ZAN: variants seen among roughly 807,000 people sequenced by gnomAD.
The protein encoded by ZAN is zonadhesin (gene/pseudogene).
Under a neutral mutation model 286.2 loss-of-function variants are expected in ZAN, and 260 were observed. The ratio of observed to expected loss-of-function variants is 0.91; its 90% CI spans 0.82 to 1.01. The LOEUF is 1.01. Among genes scored for constraint, ZAN ranks in the 50% least tolerant of loss-of-function variants. The pLI is 0.00. For synonymous variants in ZAN, 1,368 were observed against 1,417.5 expected, an observed-to-expected ratio of 0.97 and a Z score of 0.79; for missense variants, 3,410 against 3,639.2, an observed-to-expected ratio of 0.94 and a Z score of 1.62.
Position 100,763,902 on chromosome 7 carries a change from T to C in ZAN, c.4083T>C (p.Thr1361=), listed in dbSNP as rs1298852899. ...GPGFCGRLVD[T]HGPFETCLLH... ...GGTTCTGTGGACGGCTGGTCGACAC[T>C]CATGGCCCATTTGAGTATGAAGGAG... Residue 1361 remains threonine, a synonymous_variant, in exon 21 of 48, where the codon ACT becomes ACC. Coordinates refer to ENST00000613979, the MANE Select transcript of ZAN (RefSeq NM_003386.3). The surrounding 1 kb of genome is among the most constrained non-coding windows in gnomAD (Gnocchi z 4.6). 6.2e-7 allele frequency: 1 copy of C among 1,613,964 alleles called. No homozygotes were observed. The highest frequency in any genetic ancestry group is 8.5e-7 in the Non-Finnish European group (1 of 1,179,882).
At chr7:100,782,077 G>A (rs559857530) in intron 35 of ZAN, among the ~76,000 whole-genome samples, 10 of 152,048 alleles carry the variant, frequency 6.6e-5, no homozygotes, top group African/African-American at 1.2e-4. Flanking sequence ...CCATTGAGTC[G>A]TTGGTCTTTA....
rs990629420 is a variant in ZAN, at chr7:100,769,991, C to A, written c.5248+17C>A. 1.9e-6 allele frequency: 3 copies of A among 1,553,154 alleles called. No homozygotes were observed. Among genetic ancestry groups the A allele is most frequent in the East Asian group, 2.4e-5 (1 of 41,356 alleles). On this transcript the variant is annotated intron_variant, in intron 28 of 47. Transcript: ENST00000613979. The stretch of plus-strand genomic sequence containing the variant: ...ACCCTCAGGGTAAGACATGTCCCTG[C>A]TGGCCCTTTTTCCTCCCTGAAGGAC...
At position 100,779,269 on chromosome 7, in the gene ZAN, T is replaced by C. The variant is rs1024958630; in HGVS notation, c.6318-177T>C. Among the ~76,000 whole-genome samples, 11 of 150,656 alleles carry C rather than the reference T, an allele frequency of 7.3e-5. 1 individual carries two copies. Among genetic ancestry groups the C allele is most frequent in the African/African-American group, 2.7e-4 (11 of 40,862 alleles). On this transcript the variant is annotated intron_variant, in intron 34 of 47. Coordinates refer to ENST00000613979, the MANE Select transcript of ZAN (RefSeq NM_003386.3). Reference sequence around the variant, plus strand: ...CTGTAGTCTCAGCAACTCGGAAGGCTGAGTGAGACAGGAGAATCGCTTGAA... The same window carrying C: ...CTGTAGTCTCAGCAACTCGGAAGGCCGAGTGAGACAGGAGAATCGCTTGAA...
Position 100,734,076 on chromosome 7 carries a change from G to A in ZAN, c.-93G>A. On this transcript the variant is annotated 5_prime_UTR_variant, in exon 2 of 48. An upstream start codon of the reference 5' UTR is lost. Coordinates refer to ENST00000613979, the MANE Select transcript of ZAN (RefSeq NM_003386.3). ...TTCTTCATGGCATCCTTGGAAGGAT[G>A]CCAAGCTAAGGAGGCCAGGGGGGAA... The A allele has an allele frequency of 2.5e-6, 2 of 792,522 alleles. No homozygotes were observed. Among genetic ancestry groups the A allele is most frequent in the Non-Finnish European group, 4.1e-6 (2 of 484,008 alleles). The allele number at this position is 792,522 out of a possible 1,614,324, so 49.1% of individuals were successfully genotyped here.
In ZAN at chr7:100,751,743, T is replaced by C. The variant is rs376655494; in HGVS notation, c.1638T>C (p.Ser546=). 1.7e-5 allele frequency: 27 copies of C among 1,593,256 alleles called. 1 individual carries two copies. The highest frequency in any genetic ancestry group is 1.7e-4 in the Middle Eastern group (1 of 5,926). Residue 546 remains serine, a synonymous_variant, in exon 14 of 48, where the codon TCT becomes TCC. Transcript: ENST00000613979. ...VKVLPELPPV[S]PVSSTGPSET... is the part of the protein sequence containing the mutation. The stretch of plus-strand genomic sequence containing the variant: ...TGCTACCAGAGCTTCCTCCCGTATC[T>C]CCAGTTTCTTCCACTGGCCCTTCTG...
In ZAN at chr7:100,753,248, G is replaced by A. The variant is rs375661590; in HGVS notation, c.3124+19G>A. On this transcript the variant is annotated intron_variant, in intron 14 of 47. Coordinates refer to ENST00000613979, the MANE Select transcript of ZAN (RefSeq NM_003386.3). ...AGTACAGGTATGAGGTGGATGGAGC[G>A]TGGGCCAAGGCTGAAAGTCAGAGAC... is the stretch of plus-strand genomic sequence containing the variant. 7.7e-4 allele frequency: 1,202 copies of A among 1,553,030 alleles called. 1 individual carries two copies. Among genetic ancestry groups the A allele is most frequent in the Non-Finnish European group, 8.8e-4 (1,014 of 1,152,490 alleles).
At chr7:100,791,151 C>G in intron 40 of ZAN, 38 bp downstream of exon 40, 1 of 1,591,262 alleles carries the variant, frequency 6.3e-7, no homozygotes, top group Non-Finnish European at 8.5e-7. Flanking sequence ...GGGAGGTGAA[C>G]AACAATGTCT....
chr7:100,793,787 C>A, intron 42 of ZAN, 33 bp from the exon 43 acceptor site: 1 of 1,553,154 alleles, frequency 6.4e-7, no homozygotes, highest in East Asian at 2.3e-5. Context: ...CTGCCCAGCC[C>A]CAGCCAGTTT....
Position 100,789,209 on chromosome 7 carries a change from C to T in ZAN, c.7228-9C>T. On this transcript the variant is annotated splice_polypyrimidine_tract_variant and intron_variant, in intron 38 of 47. Coordinates refer to ENST00000613979, the MANE Select transcript of ZAN (RefSeq NM_003386.3). ...AGCCCTGTCTGTGGCTCCTGTCTTC[C>T]CTCTTTAGGTCAACAACCAGAAGAT... The T allele has an allele frequency of 3.7e-6, 6 of 1,611,492 alleles. No homozygotes were observed. The highest frequency in any genetic ancestry group is 5.1e-6 in the Non-Finnish European group (6 of 1,178,736).
At chr7:100,770,420 C>G (rs1172135636) in intron 28 of ZAN, among the ~76,000 whole-genome samples, 4 of 145,140 alleles carry the variant, frequency 2.8e-5, no homozygotes, top group Admixed American at 1.4e-4. Flanking sequence ...AGAAGAATCG[C>G]TTTAACCTGG....
At chr7:100,791,823 G>A (rs1400376551) in intron 40 of ZAN, 143 bp from the exon 41 acceptor site, 4 of 980,356 alleles carry the variant, frequency 4.1e-6, no homozygotes, top group Non-Finnish European at 5.9e-6. Flanking sequence ...CACCTCCTGG[G>A]CTCAAGTCAT....
intron 7 of ZAN, among the ~76,000 whole-genome samples, chr7:100,743,163 A>G (rs1324827180): frequency 1.3e-5 from 2 of 151,216 alleles, no homozygotes; most frequent in Non-Finnish European, 2.9e-5. Flanking sequence ...AGCTGGGATT[A>G]CAGGTGTGCG....
chr7:100,784,620 C>T lies in ZAN; in HGVS notation c.6623-3C>T, dbSNP rs1298157296. 1 of 1,613,448 alleles carries T rather than the reference C, an allele frequency of 6.2e-7. No homozygotes were observed. The highest frequency in any genetic ancestry group is 8.5e-7 in the Non-Finnish European group (1 of 1,179,780). On this transcript the variant is annotated splice_polypyrimidine_tract_variant and splice_region_variant and intron_variant, in intron 35 of 47. Transcript: ENST00000613979. The stretch of plus-strand genomic sequence containing the variant: ...ACTGACCCACTGTCTCCTTCACCCA[C>T]AGCTCTGGAATGCCCTGCCTACAGC...
At chr7:100,796,785 C>G (rs973670254) in intron 45 of ZAN, among the ~76,000 whole-genome samples, 1 of 152,126 alleles carries the variant, frequency 6.6e-6, no homozygotes, top group African/African-American at 2.4e-5. Flanking sequence ...TTGAGAAATG[C>G]TGGCTGAGAT....
At chr7:100,744,837 T>A (rs1808071048) in intron 7 of ZAN, among the ~76,000 whole-genome samples, 1 of 151,218 alleles carries the variant, frequency 6.6e-6, no homozygotes, top group African/African-American at 2.4e-5. Flanking sequence ...TTTCTCCCAT[T>A]TCTCCTCTTC....
In ZAN at chr7:100,753,031, C is replaced by T. The variant is rs188820131; in HGVS notation, c.2926C>T (p.Leu976Phe). 1.2e-6 allele frequency: 2 copies of T among 1,609,010 alleles called. No individual in the cohort carries two copies. Among genetic ancestry groups the T allele is most frequent in the African/African-American group, 2.7e-5 (2 of 74,712 alleles). Residue 976 changes from leucine (L) to phenylalanine (F), a missense_variant, in exon 14 of 48, where the codon CTT becomes TTT. Leu to Phe is a conservative substitution (Grantham distance 22). Around this residue, in one of 7 missense-constraint regions of ZAN, gnomAD observed 1,042 missense variants for 1,058.0 expected, o/e 0.98. Transcript: ENST00000613979. The part of the protein sequence containing the change: ...TEKPTIPTEK[L>F]TIPTEKPTIP... ...AAAACCCACCATCCCCACGGAAAAACTTACCATCCCCACGGAAAAACCCAC... is the reference window on the plus strand; with the variant it reads ...AAAACCCACCATCCCCACGGAAAAATTTACCATCCCCACGGAAAAACCCAC...
intron 13 of ZAN, 97 bp from the exon 14 acceptor site, chr7:100,751,615 T>C (rs898520698): frequency 1.7e-5 from 23 of 1,356,942 alleles, no homozygotes; most frequent in Non-Finnish European, 2.0e-5. Context: ...GAGGTGTGAA[T>C]AAGCCACCCA....
At chr7:100,770,520 A>AAG (rs1349985698) in intron 28 of ZAN, among the ~76,000 whole-genome samples, 1 of 150,326 alleles carries the variant, frequency 6.7e-6, no homozygotes, top group East Asian at 2.0e-4. Context: ...AAAAAAAAAA[A>AAG]AGTTTAATAG....
At chr7:100,773,667 C>T in intron 30 of ZAN, 54 bp from the exon 31 acceptor site, 3 of 1,577,970 alleles carry the variant, frequency 1.9e-6, no homozygotes, top group Middle Eastern at 1.7e-4. Flanking sequence ...GGGGCGTTGG[C>T]CCATCTCCCA....
Sources: allele counts gnomAD v4.1 joint callset (sites outside exome capture counted in the v4.1 genomes callset), GRCh38; gene constraint gnomAD v4.1.1; regional missense constraint gnomAD v4.1.1; non-coding constraint Gnocchi (gnomAD v3.1); transcripts MANE v1.5; gene names NCBI Gene and HGNC (gene_info 2026-07-23, HGNC 2026-07-21).